INTS12: variants seen among roughly 807,000 people sequenced by gnomAD.
INTS12 encodes the protein PHD finger protein 22.
In INTS12, 13 loss-of-function variants were observed where a neutral mutation model predicts 41.6. The observed-to-expected ratio is 0.31, with a 90% CI of 0.20 to 0.50. The LOEUF is 0.50. INTS12 is among the 20% of genes least tolerant of loss of function. The probability of loss-of-function intolerance (pLI) is 0.98; values close to 1 mark genes in which losing one functional copy is unlikely to be tolerated. For synonymous variants in INTS12, 199 were observed against 191.4 expected (o/e 1.04, Z -0.33); for missense variants, 432 against 541.6 (o/e 0.80, Z 2.01).
chr4:105,700,542 T>C (rs1385032992), intron 2 of INTS12, among the ~76,000 whole-genome samples: 1 of 151,910 alleles, frequency 6.6e-6, no homozygotes, highest in African/African-American at 2.4e-5. Flanking sequence ...ACTCTTTTTT[T>C]TTTTTTTTCT....
intron 7 of INTS12, among the ~76,000 whole-genome samples, chr4:105,685,337 C>T (rs1040822112): frequency 6.6e-6 from 1 of 151,992 alleles, no homozygotes; most frequent in Non-Finnish European, 1.5e-5. Context: ...ACAGATTAAT[C>T]TAAAAATCTA....
rs79009646 is a variant in INTS12, at chr4:105,689,317, T to C, written c.658-2479A>G. On this transcript the variant is annotated intron_variant, in intron 6 of 7. Coordinates refer to ENST00000340139, the MANE Select transcript of INTS12 (RefSeq NM_020395.4). Reference sequence around the variant, plus strand: ...GAAAGGGGATATCAGGTCCTATTTATAATATCTTTGAGATACCTTGGAACA... The same window carrying C: ...GAAAGGGGATATCAGGTCCTATTTACAATATCTTTGAGATACCTTGGAACA... 2.3e-3 allele frequency among the ~76,000 whole-genome samples: 353 copies of C among 152,302 alleles called. 1 individual carries two copies. Among genetic ancestry groups the C allele is most frequent in the African/African-American group, 8.3e-3 (345 of 41,574 alleles).
intron 1 of INTS12, 56 bp from the exon 2 acceptor site, chr4:105,703,865 A>G (rs1274543062): frequency 6.6e-6 from 1 of 152,182 alleles, no homozygotes; most frequent in Non-Finnish European, 1.5e-5. Flanking sequence ...CTTCCAGCAC[A>G]TCTACAAACT....
chr4:105,706,188 CACA>C (rs1472764979), intron 1 of INTS12: 1 of 151,314 alleles, frequency 6.6e-6, no homozygotes, highest in Non-Finnish European at 1.5e-5. Context: ...TAATCTTATA[CACA>C]TCAGGTTTTC....
At chr4:105,706,613 A>G (rs971763483) in intron 1 of INTS12, among the ~76,000 whole-genome samples, 4 of 152,214 alleles carry the variant, frequency 2.6e-5, no homozygotes, top group Non-Finnish European at 5.9e-5. Context: ...GGCATCTCAA[A>G]TTCAGTTACA....
chr4:105,699,773 G>C, intron 3 of INTS12, 77 bp downstream of exon 3: 1 of 957,796 alleles, frequency 1.0e-6, no homozygotes, highest in Non-Finnish European at 1.4e-6. Context: ...AGATTGTTTT[G>C]AGATGGTCTA....
chr4:105,687,584 C>G (rs1731539696), intron 6 of INTS12, among the ~76,000 whole-genome samples: 1 of 152,008 alleles, frequency 6.6e-6, no homozygotes. Flanking sequence ...ATAATTATAA[C>G]TGTTTATAAA....
Position 105,682,895 on chromosome 4 carries a change from T to G in INTS12, c.1227A>C (p.Thr409=), listed in dbSNP as rs572647515. 3.3e-4 allele frequency: 537 copies of G among 1,614,136 alleles called. 5 individuals are homozygous for G. In the South Asian group the frequency reaches 5.5e-3, roughly 17 times the overall value. Residue 409 remains threonine, a synonymous_variant, in exon 8 of 8, where the codon ACA becomes ACC. Transcript: ENST00000340139. The part of the protein sequence containing the change: ...SQLSGNGNSG[T]SGPSGSTTSK... ...TGGTAGTACTTCCACTAGGTCCTGA[T>G]GTTCCACTATTTCCATTCCCACTTA...
At chr4:105,708,563 T>C (rs1732389607) in intron 1 of INTS12, 75 bp downstream of exon 1, 1 of 984,826 alleles carries the variant, frequency 1.0e-6, no homozygotes, top group Admixed American at 6.2e-5. Context: ...ACGTAGCTAC[T>C]CTCCCACCTC....
In INTS12 at chr4:105,695,505, T is replaced by A; in HGVS notation, c.309+11A>T. The A allele has an allele frequency of 4.4e-6, 7 of 1,583,136 alleles. No homozygotes were observed. The highest frequency in any genetic ancestry group is 4.3e-6 in the Non-Finnish European group (5 of 1,167,804). On this transcript the variant is annotated intron_variant, in intron 4 of 7. Coordinates refer to ENST00000340139, the MANE Select transcript of INTS12 (RefSeq NM_020395.4). ...TTACTTTCTTTTAACAAGATTAAAA[T>A]AAAATCTTACTTTATCAGCAGGTCT...
intron 3 of INTS12, 56 bp downstream of exon 3, chr4:105,699,794 A>G (rs765135990): frequency 9.9e-6 from 12 of 1,212,134 alleles, no homozygotes; most frequent in South Asian, 6.8e-5. Context: ...TATGTTATCA[A>G]TGTAGTACTA....
At chr4:105,698,077 G>A (rs1731933819) in intron 3 of INTS12, among the ~76,000 whole-genome samples, 1 of 152,044 alleles carries the variant, frequency 6.6e-6, no homozygotes, top group Admixed American at 6.6e-5. Context: ...AAACAAAAAC[G>A]TGTATTGTGT....
At chr4:105,700,205 C>T (rs1167955164) in intron 2 of INTS12, 191 bp from the exon 3 acceptor site, 1 of 337,412 alleles carries the variant, frequency 3.0e-6, no homozygotes, top group East Asian at 4.5e-5. Context: ...CTAGTTCCTT[C>T]CCCCTGAAAC....
chr4:105,690,020 T>A (rs1472415005), intron 6 of INTS12, among the ~76,000 whole-genome samples: 1 of 152,250 alleles, frequency 6.6e-6, no homozygotes, highest in Admixed American at 6.5e-5. Flanking sequence ...TACATGCTCT[T>A]ACTGATAAAT....
rs1405184889 is a variant in INTS12 at position 105,695,666 on chromosome 4, A to G, written c.159T>C (p.Asp53=). The change falls in exon 4 of 8, where the codon GAT becomes GAC. Residue 53 remains aspartate (D), a splice_region_variant and synonymous_variant. Coordinates refer to ENST00000340139, the MANE Select transcript of INTS12 (RefSeq NM_020395.4). ...IDSSYRPSQK[D]VEPPKISSTK... ...TGCTTGAAATTTTGGGTGGCTCCAC[A>G]TCCTAAAAGATGAAAAAAGGTACCA... 8 of 1,608,988 alleles carry G rather than the reference A, an allele frequency of 5.0e-6. No individual in the cohort carries two copies. Among genetic ancestry groups the G allele is most frequent in the Non-Finnish European group, 6.8e-6 (8 of 1,178,488 alleles).
At chr4:105,691,452 T>C (rs907544085) in intron 6 of INTS12, among the ~76,000 whole-genome samples, 2 of 152,048 alleles carry the variant, frequency 1.3e-5, no homozygotes, top group Admixed American at 1.3e-4. Context: ...AGAAAGTACA[T>C]AGGAAGAATG....
chr4:105,690,803 T>C (rs967237546), intron 6 of INTS12, among the ~76,000 whole-genome samples: 5 of 152,192 alleles, frequency 3.3e-5, no homozygotes, highest in African/African-American at 1.2e-4. Flanking sequence ...AGATAGATTA[T>C]TGTCACAATT....
intron 6 of INTS12, among the ~76,000 whole-genome samples, chr4:105,689,489 G>A (rs1458193262): frequency 6.6e-6 from 1 of 151,988 alleles, no homozygotes; most frequent in African/African-American, 2.4e-5. Flanking sequence ...CATGTCTTTT[G>A]GTATTTCCCC....
chr4:105,694,302 T>TAC (rs1181572795), intron 4 of INTS12, among the ~76,000 whole-genome samples: 6 of 152,110 alleles, frequency 3.9e-5, no homozygotes, highest in Non-Finnish European at 8.8e-5. Context: ...CCAAAGGATA[T>TAC]ACACACACAC....
Sources: allele counts gnomAD v4.1 joint callset (sites outside exome capture counted in the v4.1 genomes callset), GRCh38; gene constraint gnomAD v4.1.1; transcripts MANE v1.5; gene names NCBI Gene and HGNC (gene_info 2026-07-23, HGNC 2026-07-21).